CR1L: variants seen among roughly 807,000 people sequenced by gnomAD.
CR1L encodes complement C3b/C4b receptor 1 like.
Under a neutral mutation model 62.3 loss-of-function variants are expected in CR1L, and 59 were observed. The ratio of observed to expected loss-of-function variants is 0.95; its 90% confidence interval spans 0.77 to 1.18. CR1L has a LOEUF of 1.18. CR1L is among the 50% of genes most tolerant of loss of function. The pLI, the probability that CR1L is intolerant of heterozygous loss-of-function variation, is 0.00. For synonymous variants in CR1L, 279 were observed against 248.7 expected (o/e 1.12, Z -1.15); for missense variants, 700 against 702.8 (o/e 1.00, Z 0.04).
At chr1:207,686,121 TCCC>T (rs1663902248) in intron 4 of CR1L, among the ~76,000 whole-genome samples, 618 of 17,020 alleles carry the variant, frequency 0.036, 27 homozygotes, top group Non-Finnish European at 0.051. Flanking sequence ...CCTCCCTCCC[TCCC>T]TTCCTCCCTC....
At chr1:207,654,827 C>A (rs1663280541) in intron 1 of CR1L, among the ~76,000 whole-genome samples, 1 of 152,204 alleles carries the variant, frequency 6.6e-6, no homozygotes, top group Middle Eastern at 3.2e-3. Flanking sequence ...CTAATCCAGG[C>A]ATTCCAGCTC....
At chr1:207,710,839 A>G (rs1423603432) in intron 10 of CR1L, 5 of 1,434,674 alleles carry the variant, frequency 3.5e-6, no homozygotes, top group Non-Finnish European at 4.9e-6. Flanking sequence ...TTGCTGTTGG[A>G]TCAGGAGATG....
intron 1 of CR1L, among the ~76,000 whole-genome samples, chr1:207,648,090 T>G (rs952416184): frequency 6.6e-6 from 1 of 151,390 alleles, no homozygotes; most frequent in Non-Finnish European, 1.5e-5. Context: ...GGAGGATCAC[T>G]GGAGCCCCCA....
At chr1:207,710,663 T>C in intron 10 of CR1L, 1 of 1,610,056 alleles carries the variant, frequency 6.2e-7, no homozygotes, top group African/African-American at 1.3e-5. Flanking sequence ...AAGCTTATTT[T>C]CCTTAAATGA....
At chr1:207,679,334 G>A (rs1358427705) in intron 3 of CR1L, among the ~76,000 whole-genome samples, 1 of 151,810 alleles carries the variant, frequency 6.6e-6, no homozygotes, top group Non-Finnish European at 1.5e-5. Context: ...AAGGACACCA[G>A]TCATATTGGA....
At chr1:207,707,605 G>A (rs933498545) in intron 9 of CR1L, among the ~76,000 whole-genome samples, 22 of 152,130 alleles carry the variant, frequency 1.4e-4, no homozygotes, top group African/African-American at 5.1e-4. Context: ...TCCAGCCTGA[G>A]CGACAGAGCC....
At chr1:207,710,851 G>A (rs1009566190) in intron 10 of CR1L, 2 of 1,397,462 alleles carry the variant, frequency 1.4e-6, no homozygotes, top group African/African-American at 1.4e-5. Flanking sequence ...CAGGAGATGA[G>A]TATTTGTTTA....
chr1:207,647,238 G>C (rs1013666929), intron 1 of CR1L, among the ~76,000 whole-genome samples: 8 of 152,124 alleles, frequency 5.3e-5, no homozygotes, highest in East Asian at 3.8e-4. Flanking sequence ...CAAATGACTG[G>C]GGGGAGGGAA....
intron 5 of CR1L, 62 bp downstream of exon 5, chr1:207,694,813 G>C (rs1664050209): frequency 1.2e-6 from 2 of 1,609,974 alleles, no homozygotes; most frequent in Admixed American, 1.7e-5. Context: ...TGGATCAGGA[G>C]ATTAGTATTT....
intron 4 of CR1L, among the ~76,000 whole-genome samples, chr1:207,686,756 C>A (rs1190714090): frequency 6.6e-6 from 1 of 152,116 alleles, no homozygotes; most frequent in Non-Finnish European, 1.5e-5. Context: ...TTTGAGTCCA[C>A]CCCAAATCCA....
At chr1:207,711,430 G>A (rs1487452589) in intron 10 of CR1L, 2 of 154,698 alleles carry the variant, frequency 1.3e-5, no homozygotes, top group Non-Finnish European at 2.9e-5. Context: ...GCCTAGACAG[G>A]ATGAAGTGAA....
chr1:207,710,187 T>C (rs1347624114), intron 10 of CR1L, among the ~76,000 whole-genome samples: 1 of 151,766 alleles, frequency 6.6e-6, no homozygotes, highest in Non-Finnish European at 1.5e-5. Context: ...CCACCAGAAA[T>C]ACAAAAATAA....
At chr1:207,699,609 G>A (rs1312050868) in intron 8 of CR1L, among the ~76,000 whole-genome samples, 1 of 151,768 alleles carries the variant, frequency 6.6e-6, no homozygotes, top group Admixed American at 6.6e-5. Context: ...CCTTCCTTCA[G>A]TTCTTTTTTC....
chr1:207,669,495 C>T (rs1166954801), intron 1 of CR1L: 95 of 1,581,714 alleles, frequency 6.0e-5, no homozygotes, highest in Admixed American at 4.7e-4. Context: ...AGCCGGCGCC[C>T]GGTCTCCCCT....
chr1:207,694,490 G>A lies in CR1L; in HGVS notation c.601G>A (p.Gly201Ser), dbSNP rs1162380285. ...SRGKKVFELV[G>S]EPSIYCTSKD... ...AGGGAAAAAGGTGTTTGAGCTTGTG[G>A]GTGAGCCCTCCATATACTGCACCAG... is the stretch of plus-strand genomic sequence containing the variant. Residue 201 changes from glycine to serine, a missense_variant, in exon 5 of 12, where the codon GGT becomes AGT. Coordinates refer to ENST00000508064, the MANE Select transcript of CR1L (RefSeq NM_175710.2). The A allele has an allele frequency of 9.3e-6, 15 of 1,613,754 alleles. No homozygotes were observed. Among genetic ancestry groups the A allele is most frequent in the Non-Finnish European group, 1.3e-5 (15 of 1,179,896 alleles).
Position 207,645,337 on chromosome 1 carries a change from C to T in CR1L, c.97+7C>T, listed in dbSNP as rs368572716. On this transcript the variant is annotated splice_region_variant and intron_variant, in intron 1 of 11. Transcript: ENST00000508064. Reference sequence around the variant, plus strand: ...CTGCTGTCCTCCTTCTCCGGTAGGACCCCGGGGTGGATTCGCGCGTCCGCG... The same window carrying T: ...CTGCTGTCCTCCTTCTCCGGTAGGATCCCGGGGTGGATTCGCGCGTCCGCG... 3.1e-6 allele frequency: 5 copies of T among 1,613,750 alleles called. No homozygotes were observed. In the African/African-American group the frequency reaches 6.7e-5, roughly 22 times the overall value.
intron 11 of CR1L, among the ~76,000 whole-genome samples, chr1:207,718,488 C>T (rs1025661206): frequency 6.6e-6 from 1 of 152,160 alleles, no homozygotes; most frequent in African/African-American, 2.4e-5. Flanking sequence ...ATGGCACAAA[C>T]TCGGCTCAAT....
intron 3 of CR1L, among the ~76,000 whole-genome samples, chr1:207,682,121 T>C (rs1362170790): frequency 6.6e-6 from 1 of 152,098 alleles, no homozygotes; most frequent in Admixed American, 6.5e-5. Flanking sequence ...ATTCTGCACA[T>C]GTACCCCAGA....
intron 8 of CR1L, among the ~76,000 whole-genome samples, chr1:207,700,974 T>C (rs1488524529): frequency 2.0e-5 from 3 of 152,238 alleles, no homozygotes; most frequent in Non-Finnish European, 4.4e-5. Context: ...ATTTTTTCAA[T>C]TGTGGGATAA....
Sources: allele counts gnomAD v4.1 joint callset (sites outside exome capture counted in the v4.1 genomes callset), GRCh38; gene constraint gnomAD v4.1.1; transcripts MANE v1.5; gene names NCBI Gene and HGNC (gene_info 2026-07-23, HGNC 2026-07-21).